The following APBB2 variants were observed in gnomAD, a reference collection of about 807,000 sequenced individuals.
The protein encoded by APBB2 is amyloid beta precursor protein binding family B member 2, also known as Fe65-like 1.
A neutral mutation model predicts 82.5 loss-of-function variants in APBB2; 38 were observed. The observed-to-expected ratio is 0.46, with a 90% confidence interval of 0.36 to 0.60. The LOEUF is 0.60. Ranked by LOEUF, APBB2 falls within the 20% of genes least tolerant of loss-of-function variation. The pLI, the probability that APBB2 is intolerant of heterozygous loss-of-function variation, is 0.00. For synonymous variants in APBB2, 341 were observed against 368.2 expected, an observed-to-expected ratio of 0.93 and a Z score of 0.85; for missense variants, 772 against 972.3, an observed-to-expected ratio of 0.79 and a Z score of 2.74.
intron 1 of APBB2, among the ~76,000 whole-genome samples, chr4:41,148,144 T>C (rs56375025): frequency 0.06 from 9,108 of 152,262 alleles, 390 homozygotes; most frequent in Non-Finnish European, 0.089. Flanking sequence ...AAACCGAAAC[T>C]GGCATCCAAC....
chr4:40,889,245 T>C (rs541964874), intron 12 of APBB2, among the ~76,000 whole-genome samples: 35 of 152,366 alleles, frequency 2.3e-4, no homozygotes, highest in Admixed American at 1.4e-3. Context: ...GGTTCTAGCA[T>C]AAATGCTTAC....
At position 41,039,312 on chromosome 4, in the gene APBB2, G is replaced by A. The variant is rs565547491; in HGVS notation, c.-50-6008C>T. Among the ~76,000 whole-genome samples, 7 of 152,306 alleles carry A rather than the reference G, an allele frequency of 4.6e-5. No individual in the cohort carries two copies. In the East Asian group the frequency reaches 1.2e-3, roughly 25 times the overall value. ...CCCCTTCCACACTCACCTAGTGGGA[G>A]TTCTAGCCACCCCCAAACCCCAACT... On this transcript the variant is annotated intron_variant, in intron 4 of 17. Coordinates refer to ENST00000508593, the MANE Select transcript of APBB2 (RefSeq NM_004307.2).
chr4:40,999,407 G>C (rs920259797), intron 6 of APBB2, among the ~76,000 whole-genome samples: 1 of 152,154 alleles, frequency 6.6e-6, no homozygotes, highest in Non-Finnish European at 1.5e-5. Context: ...TGCACCACTG[G>C]ACTCTAGCCT....
At chr4:40,850,594 A>G (rs967668057) in intron 12 of APBB2, among the ~76,000 whole-genome samples, 84 of 152,194 alleles carry the variant, frequency 5.5e-4, no homozygotes, top group African/African-American at 2.0e-3. Flanking sequence ...GTGAATGAAG[A>G]GTATTGGACC....
chr4:41,003,841 T>C (rs1005275120), intron 6 of APBB2, among the ~76,000 whole-genome samples: 1 of 152,182 alleles, frequency 6.6e-6, no homozygotes, highest in Non-Finnish European at 1.5e-5. Context: ...GCCTCCTGAG[T>C]AGCTGGAATT....
chr4:40,845,984 T>C (rs1577912997), intron 12 of APBB2, among the ~76,000 whole-genome samples: 2 of 8,434 alleles, frequency 2.4e-4, no homozygotes, highest in African/African-American at 8.2e-4. Context: ...GGTAGGTGGG[T>C]GTGGGTGGGT....
chr4:41,121,230 T>TA (rs1752703371), intron 2 of APBB2, among the ~76,000 whole-genome samples: 1 of 152,232 alleles, frequency 6.6e-6, no homozygotes, highest in Non-Finnish European at 1.5e-5. Context: ...ATGATACTTT[T>TA]AAAAAATAAA....
chr4:40,839,760 G>C (rs977868980), intron 12 of APBB2, among the ~76,000 whole-genome samples: 1 of 152,010 alleles, frequency 6.6e-6, no homozygotes, highest in Non-Finnish European at 1.5e-5. Context: ...TGCCTCCCAG[G>C]TTCAAGAAAT....
At chr4:40,879,148 A>T (rs1767683939) in intron 12 of APBB2, among the ~76,000 whole-genome samples, 1 of 142,136 alleles carries the variant, frequency 7.0e-6, no homozygotes, top group Non-Finnish European at 1.6e-5. Flanking sequence ...ACTGCAGGGA[A>T]CATAACTCTA....
chr4:41,068,314 C>T (rs989939353), intron 3 of APBB2, among the ~76,000 whole-genome samples: 1 of 152,126 alleles, frequency 6.6e-6, no homozygotes, highest in South Asian at 2.1e-4. Context: ...GTGTACTGTA[C>T]TATGGGAAAC....
Position 41,063,507 on chromosome 4 carries a change from G to A in APBB2, c.-51+2069C>T. Among the ~76,000 whole-genome samples, 2 of 152,182 alleles carry A rather than the reference G, an allele frequency of 1.3e-5. 1 individual carries two copies. On this transcript the variant is annotated intron_variant, in intron 4 of 17. Coordinates refer to ENST00000508593, the MANE Select transcript of APBB2 (RefSeq NM_004307.2). ...ATGCTAACAATATCTGAAAATATGT[G>A]AAGAGCTGTTTACCCCAACACTGCT... is the stretch of plus-strand genomic sequence containing the variant.
At chr4:40,927,975 G>A (rs1262402451) in intron 10 of APBB2, among the ~76,000 whole-genome samples, 1 of 152,108 alleles carries the variant, frequency 6.6e-6, no homozygotes, top group East Asian at 1.9e-4. Context: ...CAAGAATTTG[G>A]TCAGCCATGT....
chr4:40,850,962 T>G (rs763441701), intron 12 of APBB2, among the ~76,000 whole-genome samples: 10 of 152,154 alleles, frequency 6.6e-5, no homozygotes, highest in Non-Finnish European at 1.5e-4. Context: ...AAAATTTTTT[T>G]TTAAAACTGG....
chr4:41,160,181 G>C (rs575448988), intron 1 of APBB2, among the ~76,000 whole-genome samples: 1 of 152,076 alleles, frequency 6.6e-6, no homozygotes, highest in Non-Finnish European at 1.5e-5. Flanking sequence ...TGTAAGGAAC[G>C]GGTGCGGGGC....
intron 6 of APBB2, among the ~76,000 whole-genome samples, chr4:40,957,524 A>G (rs775207739): frequency 7.2e-5 from 11 of 152,036 alleles, no homozygotes; most frequent in Non-Finnish European, 1.3e-4. Flanking sequence ...AAAATAGTTT[A>G]AATCTGTTTT....
intron 3 of APBB2, among the ~76,000 whole-genome samples, chr4:41,083,975 T>C (rs1179705866): frequency 6.6e-6 from 1 of 152,152 alleles, no homozygotes; most frequent in Non-Finnish European, 1.5e-5. Flanking sequence ...TATCAAATTT[T>C]AAAGATATTA....
intron 4 of APBB2, among the ~76,000 whole-genome samples, chr4:41,045,565 T>C (rs1723101646): frequency 6.6e-6 from 1 of 152,232 alleles, no homozygotes; most frequent in Admixed American, 6.5e-5. Context: ...GTGCTGGGAT[T>C]ACAGGTGTGA....
chr4:40,855,005 A>G (rs1002931009), intron 12 of APBB2, among the ~76,000 whole-genome samples: 4 of 152,200 alleles, frequency 2.6e-5, no homozygotes, highest in Non-Finnish European at 4.4e-5. Context: ...TTGAGATCAA[A>G]GTAAGCAAGT....
intron 2 of APBB2, among the ~76,000 whole-genome samples, chr4:41,101,623 C>T (rs1745484285): frequency 6.6e-6 from 1 of 151,646 alleles, no homozygotes; most frequent in Non-Finnish European, 1.5e-5. Context: ...TCATTTTTTC[C>T]TAATGAAACA....
Sources: allele counts gnomAD v4.1 joint callset (sites outside exome capture counted in the v4.1 genomes callset), GRCh38; gene constraint gnomAD v4.1.1; transcripts MANE v1.5; gene names NCBI Gene and HGNC (gene_info 2026-07-23, HGNC 2026-07-21).